Variants in WWOX observed in about 807,000 individuals in gnomAD.
The protein encoded by WWOX is WW domain-containing oxidoreductase.
WWOX carries 69 observed loss-of-function variants against 46.2 expected under a neutral mutation model. That is an observed-to-expected ratio of 1.49 (90% CI 1.23 to 1.82). The LOEUF (loss-of-function observed/expected upper bound fraction) is 1.82. Ranked by LOEUF, WWOX falls within the 40% of genes most tolerant of loss-of-function variation. The pLI is 0.00. For missense variants in WWOX, 919 were observed against 542.6 expected (o/e 1.69, Z -6.89); for synonymous variants, 359 against 202.6 (o/e 1.77, Z -6.56).
intron 5 of WWOX, among the ~76,000 whole-genome samples, chr16:78,270,931 C>G (rs915461055): frequency 2.6e-5 from 4 of 152,196 alleles, no homozygotes; most frequent in Admixed American, 6.5e-5. Context: ...TGTGTCAACC[C>G]TTTCCTGTTT....
chr16:79,140,927 A>T (rs1432437181), intron 8 of WWOX, among the ~76,000 whole-genome samples: 1 of 152,188 alleles, frequency 6.6e-6, no homozygotes, highest in East Asian at 1.9e-4. Context: ...GGGATTTGAA[A>T]TAGAGATGGT....
intron 5 of WWOX, among the ~76,000 whole-genome samples, chr16:78,268,136 C>G (rs1597425305): frequency 6.6e-6 from 1 of 152,310 alleles, no homozygotes; most frequent in East Asian, 1.9e-4. Flanking sequence ...CGATTTTCCT[C>G]TATGAATTCC....
intron 8 of WWOX, among the ~76,000 whole-genome samples, chr16:78,793,045 C>A (rs1005896960): frequency 1.3e-5 from 2 of 152,158 alleles, no homozygotes; most frequent in Non-Finnish European, 2.9e-5. Flanking sequence ...CCCTTTCTTT[C>A]TTTCATCTTA....
chr16:78,740,710 T>C (rs1057440708), intron 8 of WWOX, among the ~76,000 whole-genome samples: 3 of 152,214 alleles, frequency 2.0e-5, no homozygotes, highest in African/African-American at 4.8e-5. Context: ...GCGCTAGTAA[T>C]TGGGGCAAGG....
At chr16:78,664,461 G>A (rs898291185) in intron 8 of WWOX, among the ~76,000 whole-genome samples, 2 of 152,174 alleles carry the variant, frequency 1.3e-5, no homozygotes, top group Non-Finnish European at 1.5e-5. Flanking sequence ...CGATCAGGCT[G>A]GATCATTACC....
chr16:78,532,021 A>T (rs780403271), intron 8 of WWOX, among the ~76,000 whole-genome samples: 1 of 151,568 alleles, frequency 6.6e-6, no homozygotes, highest in Non-Finnish European at 1.5e-5. Context: ...TTAGTTAGAG[A>T]CAGGATCTGT....
intron 8 of WWOX, among the ~76,000 whole-genome samples, chr16:78,943,935 A>G (rs2045900686): frequency 6.6e-6 from 1 of 152,156 alleles, no homozygotes; most frequent in African/African-American, 2.4e-5. Flanking sequence ...CAAGGCCTCC[A>G]TTGCCTGGTT....
rs114953766 is a variant in WWOX at position 78,979,559 on chromosome 16, T to G, written c.1057-232049T>G. Among the ~76,000 whole-genome samples the G allele has an allele frequency of 4.9e-3, 749 of 152,278 alleles. 8 individuals are homozygous for G. The highest frequency in any genetic ancestry group is 0.018 in the African/African-American group (730 of 41,564). Reference sequence around the variant, plus strand: ...ATCAGCTAGCGATGGCTAAGGCTCCTGTGACGGTTTCTACAGAGGTTCCAC... The same window carrying G: ...ATCAGCTAGCGATGGCTAAGGCTCCGGTGACGGTTTCTACAGAGGTTCCAC... On this transcript the variant is annotated intron_variant, in intron 8 of 8. Transcript: ENST00000566780.
intron 8 of WWOX, among the ~76,000 whole-genome samples, chr16:78,578,475 G>C (rs557043182): frequency 1.4e-4 from 21 of 150,876 alleles, no homozygotes; most frequent in South Asian, 4.2e-4. Context: ...ATTTTTAATA[G>C]AGACAGGGTT....
chr16:78,497,050 T>C (rs533171715), intron 8 of WWOX, among the ~76,000 whole-genome samples: 2 of 152,110 alleles, frequency 1.3e-5, no homozygotes, highest in Non-Finnish European at 2.9e-5. Flanking sequence ...TGCAGGGAGA[T>C]TTGGGGATGT....
At chr16:78,869,882 A>G (rs1375902308) in intron 8 of WWOX, among the ~76,000 whole-genome samples, 1 of 152,196 alleles carries the variant, frequency 6.6e-6, no homozygotes, top group Admixed American at 6.5e-5. Flanking sequence ...TTTTTTCCCA[A>G]ATAACTGAGG....
intron 8 of WWOX, among the ~76,000 whole-genome samples, chr16:78,861,530 G>A (rs1267035716): frequency 6.6e-6 from 1 of 152,108 alleles, no homozygotes; most frequent in African/African-American, 2.4e-5. Context: ...GTAAATGCAA[G>A]ACATTATATA....
At chr16:78,363,670 C>A (rs994613193) in intron 5 of WWOX, among the ~76,000 whole-genome samples, 2 of 152,172 alleles carry the variant, frequency 1.3e-5, no homozygotes, top group Non-Finnish European at 2.9e-5. Flanking sequence ...ACTTGACCAC[C>A]ACCATTCAGG....
intron 8 of WWOX, among the ~76,000 whole-genome samples, chr16:79,199,264 T>A (rs1165344923): frequency 6.6e-6 from 1 of 152,136 alleles, no homozygotes; most frequent in Non-Finnish European, 1.5e-5. Context: ...GGTTTCACCA[T>A]GTTGGCCAGG....
intron 5 of WWOX, among the ~76,000 whole-genome samples, chr16:78,206,293 T>A (rs1369078610): frequency 6.6e-6 from 1 of 152,158 alleles, no homozygotes; most frequent in Non-Finnish European, 1.5e-5. Flanking sequence ...GAAATATACT[T>A]TATTTCTCGT....
intron 8 of WWOX, among the ~76,000 whole-genome samples, chr16:79,077,046 C>T (rs1242397817): frequency 6.6e-6 from 1 of 152,020 alleles, no homozygotes; most frequent in African/African-American, 2.4e-5. Flanking sequence ...TCATCAATTC[C>T]CTAAGGTTCC....
chr16:79,166,675 C>G (rs969903859), intron 8 of WWOX, among the ~76,000 whole-genome samples: 1 of 152,148 alleles, frequency 6.6e-6, no homozygotes, highest in Non-Finnish European at 1.5e-5. Flanking sequence ...ATGAGCTAAC[C>G]AAGGCACATG....
chr16:78,753,265 CCTCCAGCCTGGGCGACAGA>C (rs1474690592), intron 8 of WWOX, among the ~76,000 whole-genome samples: 1 of 151,892 alleles, frequency 6.6e-6, no homozygotes, highest in African/African-American at 2.4e-5. Flanking sequence ...ACACCACTAC[CCTCCAGCCTGGGCGACAGA>C]CTCCAGCCTG....
chr16:78,422,714 CACACACATATATATAT>C (rs2082967561), intron 6 of WWOX, among the ~76,000 whole-genome samples: 2 of 108,414 alleles, frequency 1.8e-5, no homozygotes, highest in African/African-American at 7.0e-5. Flanking sequence ...TATATATACA[CACACACATATATATAT>C]ACACACACAT....
Sources: gnomAD v4.1 joint callset for allele counts (sites outside exome capture counted in the v4.1 genomes callset) on GRCh38, gnomAD v4.1.1 for gene constraint, MANE v1.5 for transcripts, NCBI Gene and HGNC (gene_info 2026-07-23, HGNC 2026-07-21) for gene names.